ELP4: variants seen among roughly 807,000 people sequenced by gnomAD.
ELP4 encodes elongator acetyltransferase complex subunit 4, also known as elongator complex protein 4.
A neutral mutation model predicts 48.9 loss-of-function variants in ELP4; 51 were observed. That is an observed-to-expected ratio of 1.04 (90% CI 0.83 to 1.32). The LOEUF (loss-of-function observed/expected upper bound fraction) is 1.32, where lower values mean the gene tolerates loss of function less well. ELP4 is among the 40% of genes most tolerant of loss of function. The probability of loss-of-function intolerance (pLI) is 0.00; values close to 1 mark genes in which losing one functional copy is unlikely to be tolerated. For synonymous variants in ELP4, 210 were observed against 189.2 expected, an observed-to-expected ratio of 1.11 and a Z score of -0.90; for missense variants, 519 against 514.6, an observed-to-expected ratio of 1.01 and a Z score of -0.08.
At position 31,785,777 on chromosome 11, in the gene ELP4, C is replaced by T. The variant is rs1948569804; in HGVS notation, c.*2253C>T. 1 of 194,072 alleles carries T rather than the reference C, an allele frequency of 5.2e-6. No homozygotes were observed. Among genetic ancestry groups the T allele is most frequent in the Non-Finnish European group, 1.1e-5 (1 of 93,188 alleles). 12.0% of individuals were successfully genotyped at this position (194,072 alleles called of 1,614,324 possible). On this transcript the variant is annotated 3_prime_UTR_variant, in exon 10 of 10. Transcript: ENST00000640961. ...TTATGTTAATAACTTACTACATAAA[C>T]ATATCTCTCTTCAATAATGCTACCT...
intron 9 of ELP4, among the ~76,000 whole-genome samples, chr11:31,731,737 A>G (rs888607846): frequency 2.6e-5 from 4 of 152,172 alleles, no homozygotes; most frequent in African/African-American, 9.7e-5. Context: ...GATGAATCCA[A>G]TGAAGTCAAC....
intron 1 of ELP4, among the ~76,000 whole-genome samples, chr11:31,516,906 A>C (rs1047659056): frequency 9.9e-5 from 15 of 152,166 alleles, no homozygotes; most frequent in African/African-American, 3.4e-4. Flanking sequence ...ATATGAAGGA[A>C]CCTGTCTGAA....
chr11:31,534,008 T>G (rs1956455062), intron 2 of ELP4, among the ~76,000 whole-genome samples: 1 of 151,724 alleles, frequency 6.6e-6, no homozygotes, highest in Admixed American at 6.6e-5. Flanking sequence ...GCTAATGTTT[T>G]TGTATTTTTT....
In ELP4 at chr11:31,551,249, G is replaced by GT. The variant is rs931701760; in HGVS notation, c.381+11472dup. Reference sequence around the variant, plus strand: ...TTAATTAGGGCATGAACAAGATGAGGTTTTTTCCCTGCAAATCGATGCGGA... The same window carrying GT: ...TTAATTAGGGCATGAACAAGATGAGGTTTTTTTCCCTGCAAATCGATGCGGA... On this transcript the variant is annotated intron_variant, in intron 3 of 9. Coordinates refer to ENST00000640961, the MANE Select transcript of ELP4 (RefSeq NM_019040.5). Among the ~76,000 whole-genome samples, 10 of 152,134 alleles carry GT rather than the reference G, an allele frequency of 6.6e-5. 1 individual carries two copies. The highest frequency in any genetic ancestry group is 1.3e-4 in the Admixed American group (2 of 15,254).
chr11:31,645,433 T>C (rs1945179983), intron 7 of ELP4, among the ~76,000 whole-genome samples: 1 of 151,812 alleles, frequency 6.6e-6, no homozygotes, highest in Non-Finnish European at 1.5e-5. Flanking sequence ...TAAGCAAATG[T>C]CAGGTTGACC....
At chr11:31,666,691 CAAAAAAAA>C (rs11285658) in intron 9 of ELP4, among the ~76,000 whole-genome samples, 6 of 104,892 alleles carry the variant, frequency 5.7e-5, no homozygotes, top group Admixed American at 9.4e-5. Context: ...GATTCTGTCT[CAAAAAAAA>C]AAAAAAAAAA....
At chr11:31,585,827 T>G (rs746228653) in intron 3 of ELP4, among the ~76,000 whole-genome samples, 42 of 152,258 alleles carry the variant, frequency 2.8e-4, no homozygotes, top group Admixed American at 9.8e-4. Context: ...GCATGATGGC[T>G]CATGATTGTA....
At chr11:31,610,383 A>T (rs1223504795) in intron 5 of ELP4, among the ~76,000 whole-genome samples, 1 of 151,998 alleles carries the variant, frequency 6.6e-6, no homozygotes, top group Non-Finnish European at 1.5e-5. Context: ...TTTATTTTAG[A>T]TTCAAAGGGT....
chr11:31,731,918 T>C (rs536147305), intron 9 of ELP4, among the ~76,000 whole-genome samples: 1 of 151,318 alleles, frequency 6.6e-6, no homozygotes, highest in Non-Finnish European at 1.5e-5. Context: ...AAGTGCTGAA[T>C]GAAAAAAAAA....
chr11:31,642,386 A>G (rs1945117069), intron 7 of ELP4, among the ~76,000 whole-genome samples: 1 of 151,922 alleles, frequency 6.6e-6, no homozygotes, highest in African/African-American at 2.4e-5. Context: ...AATTTAGAAT[A>G]TTGAGTATTT....
intron 9 of ELP4, among the ~76,000 whole-genome samples, chr11:31,744,163 A>G (rs1206547019): frequency 1.3e-5 from 2 of 152,228 alleles, no homozygotes; most frequent in Non-Finnish European, 2.9e-5. Flanking sequence ...AAATTCCTCA[A>G]CACGTACATC....
intron 7 of ELP4, chr11:31,632,956 C>G (rs542642958): frequency 1.3e-5 from 2 of 151,902 alleles, no homozygotes; most frequent in Non-Finnish European, 2.9e-5. Context: ...TACATATTGT[C>G]TGCCTCAAGC....
At chr11:31,733,476 CAA>C (rs59733716) in intron 9 of ELP4, among the ~76,000 whole-genome samples, 58 of 70,008 alleles carry the variant, frequency 8.3e-4, no homozygotes, top group African/African-American at 1.6e-3. Context: ...GACTCCATCT[CAA>C]AAAAAAAAAA....
chr11:31,557,475 T>G lies in ELP4; in HGVS notation c.381+17692T>G, dbSNP rs1397347766. Among the ~76,000 whole-genome samples, 6 of 152,028 alleles carry G rather than the reference T, an allele frequency of 3.9e-5. No homozygotes were observed. The South Asian group carries it at 1.2e-3, about 31-fold the overall frequency. On this transcript the variant is annotated intron_variant, in intron 3 of 9. Coordinates refer to ENST00000640961, the MANE Select transcript of ELP4 (RefSeq NM_019040.5). ...TTGGTATCAAGATATAAATGTTTGT[T>G]TTTGGCACCTATCTGTTATTCACTG...
intron 5 of ELP4, among the ~76,000 whole-genome samples, chr11:31,623,847 C>G (rs1004784356): frequency 6.9e-5 from 10 of 144,626 alleles, no homozygotes; most frequent in African/African-American, 2.4e-4. Flanking sequence ...TATTAAGGAA[C>G]TCAAACAACA....
In ELP4 at chr11:31,712,015, T is replaced by G. The variant is rs537890451; in HGVS notation, c.1143+61794T>G. On this transcript the variant is annotated intron_variant, in intron 9 of 9. Transcript: ENST00000640961. Reference sequence around the variant, plus strand: ...GCCAAGCCCAATTTCTTCTAAACCATGGGTCAGTGAGCTCATGTTGATTCT... The same window carrying G: ...GCCAAGCCCAATTTCTTCTAAACCAGGGGTCAGTGAGCTCATGTTGATTCT... Among the ~76,000 whole-genome samples, 3 of 152,130 alleles carry G rather than the reference T, an allele frequency of 2.0e-5. No individual in the cohort carries two copies. The South Asian group carries it at 6.2e-4, about 31-fold the overall frequency.
intron 9 of ELP4, among the ~76,000 whole-genome samples, chr11:31,772,373 G>A (rs971369669): frequency 6.6e-5 from 10 of 152,008 alleles, no homozygotes; most frequent in African/African-American, 1.2e-4. Flanking sequence ...GGCCTGCGTC[G>A]ACCTCCCAAG....
chr11:31,577,282 G>T (rs1196936912), intron 3 of ELP4, among the ~76,000 whole-genome samples: 1 of 140,672 alleles, frequency 7.1e-6, no homozygotes, highest in Non-Finnish European at 1.6e-5. Flanking sequence ...CTGAAATTGA[G>T]GCAATAATTA....
At position 31,594,887 on chromosome 11, in the gene ELP4, T is replaced by C. The variant is rs768778575; in HGVS notation, c.499T>C (p.Leu167=). ...KMKIAWRYQL[L]PKMEIGPVSS... The stretch of plus-strand genomic sequence containing the variant: ...GAAAATAGCTTGGCGTTACCAGTTA[T>C]TACCCAAGATGGAGGCAAGTAAACA... The change falls in exon 4 of 10, where the codon TTA becomes CTA. Residue 167 remains leucine (L), a synonymous_variant. Coordinates refer to ENST00000640961, the MANE Select transcript of ELP4 (RefSeq NM_019040.5). The C allele has an allele frequency of 6.4e-7, 1 of 1,556,532 alleles. No homozygotes were observed. The highest frequency in any genetic ancestry group is 8.6e-7 in the Non-Finnish European group (1 of 1,160,942).
Sources: gnomAD v4.1 joint callset for allele counts (sites outside exome capture counted in the v4.1 genomes callset) on GRCh38, gnomAD v4.1.1 for gene constraint, MANE v1.5 for transcripts, NCBI Gene and HGNC (gene_info 2026-07-23, HGNC 2026-07-21) for gene names.